Variants in PRKCA observed in about 807,000 individuals in gnomAD.
PRKCA encodes protein kinase C alpha, also known as protein kinase C alpha type.
PRKCA carries 27 observed loss-of-function variants against 87.0 expected under a neutral mutation model. That is an observed-to-expected ratio of 0.31 (90% CI 0.23 to 0.43). The LOEUF is 0.43. Among genes scored for constraint, PRKCA ranks in the 20% least tolerant of loss-of-function variants. The pLI, the probability that PRKCA is intolerant of heterozygous loss-of-function variation, is 1.00. For missense variants in PRKCA, 518 were observed against 852.3 expected (o/e 0.61, Z 4.88); for synonymous variants, 329 against 311.1 (o/e 1.06, Z -0.61).
chr17:66,552,980 A>G (rs951328668), intron 3 of PRKCA, among the ~76,000 whole-genome samples: 7 of 108,756 alleles, frequency 6.4e-5, no homozygotes, highest in African/African-American at 2.5e-4. Flanking sequence ...AAAAATCTGA[A>G]TATTTTCTTT....
chr17:66,515,781 G>A (rs940959098), intron 3 of PRKCA, among the ~76,000 whole-genome samples: 2 of 152,192 alleles, frequency 1.3e-5, no homozygotes. Context: ...CTGGGCTGAA[G>A]CAATCCGCCC....
At chr17:66,488,760 A>G (rs1916092789) in intron 2 of PRKCA, among the ~76,000 whole-genome samples, 9 of 152,228 alleles carry the variant, frequency 5.9e-5, no homozygotes, top group Admixed American at 5.9e-4. Context: ...AGATGCTGAA[A>G]GGAAGAATCA....
intron 8 of PRKCA, among the ~76,000 whole-genome samples, chr17:66,700,600 G>A (rs1254071393): frequency 1.3e-5 from 2 of 152,162 alleles, no homozygotes; most frequent in Non-Finnish European, 2.9e-5. Context: ...AATTCAGAAA[G>A]TTGCAGGATA....
chr17:66,620,950 A>G (rs1970662459), intron 3 of PRKCA, among the ~76,000 whole-genome samples: 1 of 152,212 alleles, frequency 6.6e-6, no homozygotes, highest in African/African-American at 2.4e-5. Flanking sequence ...GTCCCCTGGC[A>G]ATGGGGTAAA....
chr17:66,785,954 C>G (rs1171953661), intron 14 of PRKCA, among the ~76,000 whole-genome samples: 2 of 152,132 alleles, frequency 1.3e-5, no homozygotes, highest in Non-Finnish European at 2.9e-5. Context: ...TCAGCCTCCC[C>G]AGTAGCTGGG....
chr17:66,633,222 A>G (rs1028865195), intron 3 of PRKCA, among the ~76,000 whole-genome samples: 5 of 152,074 alleles, frequency 3.3e-5, no homozygotes, highest in African/African-American at 1.2e-4. Context: ...GTTACATGCA[A>G]CCACCCTGAT....
intron 2 of PRKCA, among the ~76,000 whole-genome samples, chr17:66,331,805 G>GC (rs762713321): frequency 6.6e-6 from 1 of 152,148 alleles, no homozygotes; most frequent in Non-Finnish European, 1.5e-5. Context: ...TCTGGTCTCT[G>GC]CCCCATCTGT....
chr17:66,635,178 C>T (rs1010904599), intron 3 of PRKCA, among the ~76,000 whole-genome samples: 3 of 152,078 alleles, frequency 2.0e-5, no homozygotes, highest in Admixed American at 6.5e-5. Flanking sequence ...TGGGACTCAC[C>T]GAAGAGAAAG....
intron 10 of PRKCA, among the ~76,000 whole-genome samples, chr17:66,737,714 C>T (rs893327860): frequency 6.6e-6 from 1 of 152,206 alleles, no homozygotes; most frequent in Non-Finnish European, 1.5e-5. Flanking sequence ...TTCCTGCTCC[C>T]AGCCGTTCCC....
chr17:66,524,420 G>A (rs954823714), intron 3 of PRKCA, among the ~76,000 whole-genome samples: 6 of 152,256 alleles, frequency 3.9e-5, no homozygotes, highest in African/African-American at 1.2e-4. Context: ...AGACTGATGT[G>A]GGAATGTCTT....
At chr17:66,616,443 AT>A (rs1970518689) in intron 3 of PRKCA, among the ~76,000 whole-genome samples, 1 of 152,002 alleles carries the variant, frequency 6.6e-6, no homozygotes. Context: ...TGGCTTTGTG[AT>A]TTGTTTACTT....
At chr17:66,489,349 GTGCA>G (rs1210796173) in intron 2 of PRKCA, among the ~76,000 whole-genome samples, 2 of 107,656 alleles carry the variant, frequency 1.9e-5, no homozygotes, top group African/African-American at 7.5e-5. Flanking sequence ...ACCCTTAGCA[GTGCA>G]TATATATATA....
At chr17:66,424,568 A>ACACACACACACACACACACACACACACAC (rs1598660738) in intron 2 of PRKCA, among the ~76,000 whole-genome samples, 64 of 142,054 alleles carry the variant, frequency 4.5e-4, no homozygotes, top group African/African-American at 1.5e-3. Context: ...CCCTGTCTCA[A>ACACACACACACACACACACACACACACAC]ACACACACAC....
At chr17:66,481,355 C>T (rs1915767328) in intron 2 of PRKCA, among the ~76,000 whole-genome samples, 1 of 152,136 alleles carries the variant, frequency 6.6e-6, no homozygotes, top group African/African-American at 2.4e-5. Flanking sequence ...CCGAGTACTC[C>T]CTATCCACTG....
At position 66,645,288 on chromosome 17, in the gene PRKCA, TA is replaced by T. The variant is rs1461007957; in HGVS notation, c.401-93del. 4 of 1,540,812 alleles carry T rather than the reference TA, an allele frequency of 2.6e-6. No individual in the cohort carries two copies. In the African/African-American group the frequency reaches 5.4e-5, roughly 21 times the overall value. ...TTATAGCAAAGTATCGAGTTGGGGG[TA>T]ACTCATTTTCACTTGTGCTCATGCA... On this transcript the variant is annotated intron_variant, in intron 4 of 16. Transcript: ENST00000413366.
intron 3 of PRKCA, among the ~76,000 whole-genome samples, chr17:66,583,701 G>T (rs1969511661): frequency 6.6e-6 from 1 of 152,220 alleles, no homozygotes; most frequent in Middle Eastern, 3.4e-3. Context: ...ACGGTGGTGG[G>T]ATTACAGATG....
At chr17:66,602,302 G>A (rs1271643890) in intron 3 of PRKCA, among the ~76,000 whole-genome samples, 12 of 126,518 alleles carry the variant, frequency 9.5e-5, no homozygotes, top group Admixed American at 3.3e-4. Flanking sequence ...TCTGAAAAGC[G>A]CAATATTCGG....
At chr17:66,446,351 A>G (rs1359175133) in intron 2 of PRKCA, among the ~76,000 whole-genome samples, 3 of 152,258 alleles carry the variant, frequency 2.0e-5, no homozygotes, top group Non-Finnish European at 4.4e-5. Flanking sequence ...GTTGTGGGAC[A>G]TGGGCCTTAA....
At chr17:66,527,965 A>G (rs1386797667) in intron 3 of PRKCA, among the ~76,000 whole-genome samples, 1 of 152,172 alleles carries the variant, frequency 6.6e-6, no homozygotes, top group Non-Finnish European at 1.5e-5. Context: ...TGGGAGGTCA[A>G]GGCGGGCGGA....
Sources: allele counts gnomAD v4.1 joint callset (sites outside exome capture counted in the v4.1 genomes callset), GRCh38; gene constraint gnomAD v4.1.1; transcripts MANE v1.5; gene names NCBI Gene and HGNC (gene_info 2026-07-23, HGNC 2026-07-21).